ZHX3: variants seen among roughly 807,000 people sequenced by gnomAD.
The protein encoded by ZHX3 is zinc fingers and homeoboxes 3.
A neutral mutation model predicts 64.5 loss-of-function variants in ZHX3; 20 were observed. That is an observed-to-expected ratio of 0.31 (90% CI 0.22 to 0.45). ZHX3 has a LOEUF of 0.45. ZHX3 is among the 20% of genes least tolerant of loss of function. ZHX3 has a pLI of 1.00. For missense variants in ZHX3, 1,041 were observed against 1,195.8 expected (o/e 0.87, Z 1.91); for synonymous variants, 423 against 461.6 (o/e 0.92, Z 1.07).
In ZHX3 at chr20:41,220,778, C is replaced by T. The variant is rs527512704; in HGVS notation, c.-150-15712G>A. 1.7e-4 allele frequency among the ~76,000 whole-genome samples: 26 copies of T among 152,128 alleles called. No individual in the cohort carries two copies. The South Asian group carries it at 2.1e-3, about 12-fold the overall frequency. On this transcript the variant is annotated intron_variant, in intron 2 of 3. Transcript: ENST00000683867. ...GTACAATCACGGCTCTCTGCAGCCT[C>T]GACCTCCCAGACTCAAGTGATCCTC...
chr20:41,300,819 A>G (rs558299349), intron 1 of ZHX3, among the ~76,000 whole-genome samples: 1 of 152,328 alleles, frequency 6.6e-6, no homozygotes, highest in Middle Eastern at 3.4e-3. Flanking sequence ...GGCTGGCCTA[A>G]GGACTTGGGG....
At chr20:41,205,148 C>T (rs760986315) in intron 2 of ZHX3, 82 bp from the exon 3 acceptor site, 13 of 582,942 alleles carry the variant, frequency 2.2e-5, no homozygotes, top group Admixed American at 4.0e-5. Flanking sequence ...CATTCCACTG[C>T]TTGCCTTCTA....
intron 2 of ZHX3, among the ~76,000 whole-genome samples, chr20:41,243,345 A>G (rs1182780134): frequency 6.6e-6 from 1 of 152,312 alleles, no homozygotes; most frequent in East Asian, 1.9e-4. Flanking sequence ...CAAGGTAATA[A>G]GAAACAGTTC....
At chr20:41,230,192 GA>G (rs1466140621) in intron 2 of ZHX3, among the ~76,000 whole-genome samples, 1 of 151,864 alleles carries the variant, frequency 6.6e-6, no homozygotes, top group Admixed American at 6.6e-5. Flanking sequence ...TATATTCTTA[GA>G]TTTTTTTTTT....
At position 41,202,480 on chromosome 20, in the gene ZHX3, C is replaced by T; in HGVS notation, c.2437G>A (p.Gly813Arg). 6.2e-7 allele frequency: 1 copy of T among 1,614,190 alleles called. No homozygotes were observed. Among genetic ancestry groups the T allele is most frequent in the Non-Finnish European group, 8.5e-7 (1 of 1,180,040 alleles). ...LPRPEVVRWF[G>R]DSRYALKNGQ... The stretch of plus-strand genomic sequence containing the variant: ...TTCTTCAGTGCGTACCTGCTATCTC[C>T]AAACCAGCGCACCACCTCTGGCCGT... The change falls in exon 3 of 4, where the codon GGA becomes AGA. Residue 813 changes from glycine to arginine, a missense_variant. By Grantham distance (125) the Gly-to-Arg change is moderately radical. Coordinates refer to ENST00000683867, the MANE Select transcript of ZHX3 (RefSeq NM_001384317.1). The surrounding 1 kb of genome is among the most constrained non-coding windows in gnomAD (Gnocchi z 7.0).
intron 2 of ZHX3, among the ~76,000 whole-genome samples, chr20:41,258,571 C>G (rs2042390018): frequency 6.6e-6 from 1 of 152,054 alleles, no homozygotes; most frequent in South Asian, 2.1e-4. Flanking sequence ...GTTGACTGTC[C>G]CTTGATTCGG....
At chr20:41,276,926 A>T (rs2043410792) in intron 1 of ZHX3, among the ~76,000 whole-genome samples, 1 of 152,266 alleles carries the variant, frequency 6.6e-6, no homozygotes, top group Non-Finnish European at 1.5e-5. Context: ...CTCAGCAAGA[A>T]AAAGGAGTAT....
rs1382662350 is a variant in ZHX3, at chr20:41,188,885, TG to T, written c.2861-3685del. Among the ~76,000 whole-genome samples the T allele has an allele frequency of 3.5e-4, 53 of 152,338 alleles. 1 individual carries two copies. The East Asian group carries it at 4.8e-3, about 14-fold the overall frequency. ...TCCCTTTGTCTATTTTTGTTTTAGT[TG>T]TGTTTTTGAGGTCTTAGCCATAAAA... On this transcript the variant is annotated intron_variant, in intron 3 of 3. Coordinates refer to ENST00000683867, the MANE Select transcript of ZHX3 (RefSeq NM_001384317.1).
intron 2 of ZHX3, among the ~76,000 whole-genome samples, chr20:41,249,552 C>A (rs2041883450): frequency 1.3e-5 from 2 of 152,166 alleles, no homozygotes; most frequent in Admixed American, 6.5e-5. Context: ...CAGGCCCAGG[C>A]CCATCAGTCT....
intron 1 of ZHX3, among the ~76,000 whole-genome samples, chr20:41,308,388 C>G (rs188626597): frequency 3.3e-5 from 5 of 152,176 alleles, no homozygotes; most frequent in Admixed American, 6.5e-5. Flanking sequence ...AACTGAGGTG[C>G]TGCTATTCAC....
At chr20:41,303,364 T>G (rs1484848791) in intron 1 of ZHX3, among the ~76,000 whole-genome samples, 1 of 152,204 alleles carries the variant, frequency 6.6e-6, no homozygotes, top group African/African-American at 2.4e-5. Context: ...TTCGTAAATA[T>G]CAGACTGTGG....
Position 41,287,464 on chromosome 20 carries a change from G to T in ZHX3, c.-244-18381C>A, listed in dbSNP as rs141994045. 3.9e-3 allele frequency among the ~76,000 whole-genome samples: 600 copies of T among 152,216 alleles called. 8 individuals carry two copies. Among genetic ancestry groups the T allele is most frequent in the East Asian group, 0.02 (106 of 5,186 alleles). The stretch of plus-strand genomic sequence containing the variant: ...TGCTTTTGTGAAACCTCATCTCCTT[G>T]AGTGTAGGCCAGACTTACTGACTCA... On this transcript the variant is annotated intron_variant, in intron 1 of 3. Transcript: ENST00000683867.
Position 41,298,780 on chromosome 20 carries a change from G to T in ZHX3, c.-245+18729C>A, listed in dbSNP as rs2044663687. ...GGAAGTTTACATCTGAAGAAACCAG[G>T]GATCCAGAATCTGAAGAGAGGGACT... On this transcript the variant is annotated intron_variant, in intron 1 of 3. Coordinates refer to ENST00000683867, the MANE Select transcript of ZHX3 (RefSeq NM_001384317.1). Among the ~76,000 whole-genome samples the T allele has an allele frequency of 2.6e-5, 4 of 152,124 alleles. No homozygotes were observed. The South Asian group carries it at 6.2e-4, about 24-fold the overall frequency.
intron 2 of ZHX3, among the ~76,000 whole-genome samples, chr20:41,229,854 CTCTG>C (rs1426754458): frequency 3.3e-5 from 5 of 152,094 alleles, no homozygotes; most frequent in African/African-American, 1.2e-4. Context: ...AGCTTTTCTC[CTCTG>C]TCTTCTTCTA....
chr20:41,233,933 A>C (rs949690811), intron 2 of ZHX3, among the ~76,000 whole-genome samples: 2 of 152,194 alleles, frequency 1.3e-5, no homozygotes, highest in Non-Finnish European at 2.9e-5. Context: ...AAGAGACATG[A>C]AAATCCCACC....
intron 2 of ZHX3, among the ~76,000 whole-genome samples, chr20:41,215,207 A>G (rs1296640229): frequency 6.6e-6 from 1 of 152,202 alleles, no homozygotes; most frequent in Non-Finnish European, 1.5e-5. Context: ...CAGTGAGCCA[A>G]GATCGCACCA....
chr20:41,274,697 T>C (rs2043300710), intron 1 of ZHX3, among the ~76,000 whole-genome samples: 1 of 152,218 alleles, frequency 6.6e-6, no homozygotes, highest in Admixed American at 6.5e-5. Flanking sequence ...AAATACTGGT[T>C]CATTTGAAAC....
intron 2 of ZHX3, among the ~76,000 whole-genome samples, chr20:41,207,962 A>G (rs1252582697): frequency 6.6e-6 from 1 of 152,228 alleles, no homozygotes. Context: ...AATAAAGAAG[A>G]AAAGAGAGAA....
chr20:41,202,256 C>T lies in ZHX3; in HGVS notation c.2661G>A (p.Met887Ile). 1.9e-6 allele frequency: 3 copies of T among 1,614,140 alleles called. No homozygotes were observed. Among genetic ancestry groups the T allele is most frequent in the Non-Finnish European group, 2.5e-6 (3 of 1,180,008 alleles). Residue 887 changes from methionine (M) to isoleucine (I), a missense_variant, in exon 3 of 4, where the codon ATG becomes ATA. Physicochemically the swap from Met to Ile is conservative, Grantham distance 10. Around this residue, in one of 4 missense-constraint regions of ZHX3, gnomAD observed 649 missense variants for 739.8 expected, o/e 0.88. Transcript: ENST00000683867. This position sits in a 1 kb window ranked among gnomAD's most constrained non-coding sequence, Gnocchi z 7.0. ...CTGCCACGGCTCTGGTCTCCTCCCCCATTTTCTCAGCAAACCACTGCTTGA... is the reference window on the plus strand; with the variant it reads ...CTGCCACGGCTCTGGTCTCCTCCCCTATTTTCTCAGCAAACCACTGCTTGA... ...QQVKQWFAEKMGEETRAVADT... is the reference protein window; with the variant it reads ...QQVKQWFAEKIGEETRAVADT...
Sources: gnomAD v4.1 joint callset for allele counts (sites outside exome capture counted in the v4.1 genomes callset) on GRCh38, gnomAD v4.1.1 for gene constraint, gnomAD v4.1.1 regional missense constraint, Gnocchi (gnomAD v3.1) non-coding constraint, MANE v1.5 for transcripts, NCBI Gene and HGNC (gene_info 2026-07-23, HGNC 2026-07-21) for gene names.